SPAG16: variants seen among roughly 807,000 people sequenced by gnomAD.
SPAG16 encodes the protein sperm associated antigen 16, also known as sperm-associated antigen 16 protein.
SPAG16 carries 86 observed loss-of-function variants against 80.4 expected under a neutral mutation model. The ratio of observed to expected loss-of-function variants is 1.07; its 90% CI spans 0.90 to 1.28. The LOEUF is 1.28. SPAG16 is among the 50% of genes most tolerant of loss of function. SPAG16 has a pLI of 0.00. For missense variants in SPAG16, 870 were observed against 765.3 expected, an observed-to-expected ratio of 1.14 and a Z score of -1.61; for synonymous variants, 294 against 265.9, an observed-to-expected ratio of 1.11 and a Z score of -1.03.
intron 5 of SPAG16, among the ~76,000 whole-genome samples, chr2:213,323,373 G>A (rs562853494): frequency 2.6e-5 from 4 of 151,966 alleles, no homozygotes; most frequent in East Asian, 1.9e-4. Flanking sequence ...CCCAGGAGGC[G>A]GAGCTTGCAG....
chr2:213,976,135 T>TATATATATATACACACACAC lies in SPAG16; in HGVS notation c.1401-37815_1401-37814insTATATATATACACACACACA, dbSNP rs749957411. On this transcript the variant is annotated intron_variant, in intron 12 of 15. Coordinates refer to ENST00000331683, the MANE Select transcript of SPAG16 (RefSeq NM_024532.5). ...ATATATATATATATATATATATATA[T>TATATATATATACACACACAC]ACACACACACACACACACACGTATG... Among the ~76,000 whole-genome samples, 75 of 81,384 alleles carry TATATATATATACACACACAC rather than the reference T, an allele frequency of 9.2e-4. No homozygotes were observed. The East Asian group carries it at 0.013, about 14-fold the overall frequency. The allele number at this position is 81,384 out of a possible 152,430, so 53.4% of individuals were successfully genotyped here.
Position 213,747,729 on chromosome 2 carries a change from A to G in SPAG16, c.1071-114756A>G, listed in dbSNP as rs568625129. Among the ~76,000 whole-genome samples, 3 of 152,336 alleles carry G rather than the reference A, an allele frequency of 2.0e-5. No homozygotes were observed. The East Asian group carries it at 5.8e-4, about 29-fold the overall frequency. ...ATCTAGGTTTGTATAAGTACACTCA[A>G]TGATGTTCGAAGAAGGATACCATCT... On this transcript the variant is annotated intron_variant, in intron 10 of 15. Transcript: ENST00000331683.
chr2:213,462,065 T>C (rs2072402485), intron 9 of SPAG16, among the ~76,000 whole-genome samples: 3 of 152,226 alleles, frequency 2.0e-5, no homozygotes, highest in African/African-American at 7.2e-5. Flanking sequence ...ATTCTGATTA[T>C]GACTTAAAGT....
intron 13 of SPAG16, among the ~76,000 whole-genome samples, chr2:214,086,459 C>A (rs2051762183): frequency 6.6e-6 from 1 of 151,996 alleles, no homozygotes; most frequent in Non-Finnish European, 1.5e-5. Context: ...GGGGAGGGAC[C>A]TTATGGAGGT....
At chr2:213,550,745 G>T (rs1295272237) in intron 10 of SPAG16, among the ~76,000 whole-genome samples, 1 of 151,916 alleles carries the variant, frequency 6.6e-6, no homozygotes, top group Non-Finnish European at 1.5e-5. Flanking sequence ...AAATTTATTG[G>T]CTATGGGGAA....
chr2:213,907,016 A>G (rs1575516067), intron 11 of SPAG16, among the ~76,000 whole-genome samples: 4 of 152,314 alleles, frequency 2.6e-5, no homozygotes, highest in South Asian at 4.1e-4. Flanking sequence ...AGATGGGTCT[A>G]TATCAAACTA....
intron 9 of SPAG16, among the ~76,000 whole-genome samples, chr2:213,383,280 T>C (rs1451666141): frequency 2.0e-5 from 3 of 152,186 alleles, no homozygotes; most frequent in Non-Finnish European, 4.4e-5. Context: ...ATTATTCCTA[T>C]TATTATAGAA....
At chr2:213,535,649 C>T (rs2076217125) in intron 10 of SPAG16, among the ~76,000 whole-genome samples, 1 of 152,096 alleles carries the variant, frequency 6.6e-6, no homozygotes, top group African/African-American at 2.4e-5. Flanking sequence ...TGTTACCCAT[C>T]ACTTTCTCAT....
chr2:213,858,076 T>G (rs558460841), intron 10 of SPAG16, among the ~76,000 whole-genome samples: 2 of 152,324 alleles, frequency 1.3e-5, no homozygotes, highest in Admixed American at 6.5e-5. Context: ...AAGTAGTTTC[T>G]TGGGATGGAA....
intron 10 of SPAG16, among the ~76,000 whole-genome samples, chr2:213,825,109 T>C (rs1044364173): frequency 1.9e-4 from 29 of 152,164 alleles, no homozygotes; most frequent in Non-Finnish European, 2.9e-4. Flanking sequence ...AATGTATCAG[T>C]TCTAATGGTG....
chr2:214,133,103 A>G (rs1217751593), intron 14 of SPAG16, among the ~76,000 whole-genome samples: 5 of 132,552 alleles, frequency 3.8e-5, no homozygotes, highest in African/African-American at 1.4e-4. Flanking sequence ...AAATAAAATA[A>G]AATAAAAAAA....
At chr2:213,680,312 C>A (rs1253363033) in intron 10 of SPAG16, among the ~76,000 whole-genome samples, 1 of 151,938 alleles carries the variant, frequency 6.6e-6, no homozygotes, top group Admixed American at 6.6e-5. Context: ...GAGAAGGGAG[C>A]TTGTGCGTAA....
At chr2:213,293,101 A>G (rs2062361087) in intron 1 of SPAG16, among the ~76,000 whole-genome samples, 1 of 152,152 alleles carries the variant, frequency 6.6e-6, no homozygotes, top group Non-Finnish European at 1.5e-5. Flanking sequence ...TGCTCTTGTG[A>G]TAATGAGTGA....
intron 13 of SPAG16, among the ~76,000 whole-genome samples, chr2:214,031,004 G>A (rs2048377526): frequency 6.6e-6 from 1 of 152,158 alleles, no homozygotes; most frequent in Non-Finnish European, 1.5e-5. Flanking sequence ...GTATTAGTTT[G>A]TTCTCACTTT....
At chr2:213,755,613 T>G (rs1360011559) in intron 10 of SPAG16, among the ~76,000 whole-genome samples, 2 of 152,170 alleles carry the variant, frequency 1.3e-5, no homozygotes, top group Non-Finnish European at 2.9e-5. Flanking sequence ...GCACAAGGAA[T>G]AGAATCGTAA....
rs545896071 is a variant in SPAG16 at position 214,124,881 on chromosome 2, T to G, written c.1593+16620T>G. Reference sequence around the variant, plus strand: ...AGCACCTTTCACCTTGCCCTTGGGCTGTCATGTGCATCATCACCTTGCTCT... The same window carrying G: ...AGCACCTTTCACCTTGCCCTTGGGCGGTCATGTGCATCATCACCTTGCTCT... On this transcript the variant is annotated intron_variant, in intron 14 of 15. Transcript: ENST00000331683. Among the ~76,000 whole-genome samples, 240 of 151,926 alleles carry G rather than the reference T, an allele frequency of 1.6e-3. 2 individuals carry two copies. The highest frequency in any genetic ancestry group is 5.2e-3 in the African/African-American group (215 of 41,570).
At chr2:214,239,554 C>T (rs1463569315) in intron 15 of SPAG16, 1 of 152,118 alleles carries the variant, frequency 6.6e-6, no homozygotes, top group Non-Finnish European at 1.5e-5. Flanking sequence ...CAAATGTAAA[C>T]ACTCATCTTA....
chr2:213,896,106 T>C (rs1373581850), intron 11 of SPAG16, among the ~76,000 whole-genome samples: 1 of 151,670 alleles, frequency 6.6e-6, no homozygotes, highest in African/African-American at 2.4e-5. Context: ...CAATAGCAAA[T>C]GAATAAATTG....
chr2:214,376,174 C>T (rs7425431), intron 15 of SPAG16, among the ~76,000 whole-genome samples: 113,182 of 151,954 alleles, frequency 0.74, 42,939 homozygotes, highest in African/African-American at 0.9. Context: ...AAATAGAAGC[C>T]GATAGTGGAA....
Sources: allele counts gnomAD v4.1 joint callset (sites outside exome capture counted in the v4.1 genomes callset), GRCh38; gene constraint gnomAD v4.1.1; transcripts MANE v1.5; gene names NCBI Gene and HGNC (gene_info 2026-07-23, HGNC 2026-07-21).